The following WNK1 variants were observed in gnomAD, a reference collection of about 807,000 sequenced individuals.
WNK1 encodes the protein WNK lysine deficient protein kinase 1, also known as serine/threonine-protein kinase WNK1.
Under a neutral mutation model 222.8 loss-of-function variants are expected in WNK1, and 38 were observed. The observed-to-expected ratio is 0.17, with a 90% CI of 0.13 to 0.22. The LOEUF (loss-of-function observed/expected upper bound fraction) is 0.22. Among genes scored for constraint, WNK1 ranks in the 10% least tolerant of loss-of-function variants. The probability of loss-of-function intolerance (pLI) is 1.00; values close to 1 mark genes in which losing one functional copy is unlikely to be tolerated. For synonymous variants in WNK1, 1,090 were observed against 1,092.9 expected (o/e 1.00, Z 0.05); for missense variants, 2,348 against 2,918.4 (o/e 0.80, Z 4.50).
At chr12:789,345 A>G (rs1023855643) in intron 1 of WNK1, among the ~76,000 whole-genome samples, 1 of 152,120 alleles carries the variant, frequency 6.6e-6, no homozygotes, top group Non-Finnish European at 1.5e-5. Context: ...AATAAAGTAA[A>G]AGACAGAATT....
chr12:789,944 C>T (rs144894896), intron 1 of WNK1, among the ~76,000 whole-genome samples: 12 of 152,326 alleles, frequency 7.9e-5, no homozygotes, highest in African/African-American at 2.9e-4. Context: ...TTGTGGGTCA[C>T]ATGGCTTTGT....
chr12:896,789 C>T (rs2154094902), intron 24 of WNK1, 57 bp downstream of exon 24: 1 of 1,571,884 alleles, frequency 6.4e-7, no homozygotes. Context: ...ACCTAGATCC[C>T]AGGGCCAAGA....
intron 8 of WNK1, among the ~76,000 whole-genome samples, chr12:866,222 G>A (rs1480266621): frequency 6.6e-6 from 1 of 152,176 alleles, no homozygotes; most frequent in African/African-American, 2.4e-5. Context: ...CATTCTGACT[G>A]AAAATAGAAA....
chr12:838,175 G>T (rs1239841591), intron 4 of WNK1, among the ~76,000 whole-genome samples: 2 of 151,760 alleles, frequency 1.3e-5, no homozygotes, highest in East Asian at 3.9e-4. Context: ...CCTACCATTG[G>T]CTGTTGTGAA....
At chr12:846,242 T>A (rs1591985196) in intron 4 of WNK1, among the ~76,000 whole-genome samples, 1 of 152,188 alleles carries the variant, frequency 6.6e-6, no homozygotes, top group Admixed American at 6.5e-5. Flanking sequence ...GAAAAACTTA[T>A]TAATTGTATG....
chr12:827,031 G>A lies in WNK1; in HGVS notation c.933-11G>A, dbSNP rs1004961487. On this transcript the variant is annotated splice_polypyrimidine_tract_variant and intron_variant, in intron 2 of 27. Coordinates refer to ENST00000315939, the MANE Select transcript of WNK1 (RefSeq NM_018979.4). The surrounding 1 kb of genome is among the most constrained non-coding windows in gnomAD (Gnocchi z 4.6). ...ATTGATAACTTGTTTGGTATACTTTGCTTTTTCTAGGTATCTGAAAAGGTT... is the reference window on the plus strand; with the variant it reads ...ATTGATAACTTGTTTGGTATACTTTACTTTTTCTAGGTATCTGAAAAGGTT... The A allele has an allele frequency of 4.3e-6, 7 of 1,609,578 alleles. No individual in the cohort carries two copies. The African/African-American group carries it at 8.0e-5, about 18-fold the overall frequency.
chr12:850,645 A>G (rs1269231156), intron 4 of WNK1, among the ~76,000 whole-genome samples: 2 of 152,220 alleles, frequency 1.3e-5, no homozygotes, highest in African/African-American at 4.8e-5. Flanking sequence ...GTCCTTACCC[A>G]TGCCTATGTC....
At chr12:892,710 G>A (rs1241355793) in intron 22 of WNK1, among the ~76,000 whole-genome samples, 3 of 152,012 alleles carry the variant, frequency 2.0e-5, no homozygotes, top group Admixed American at 6.6e-5. Flanking sequence ...AACAGAAAAG[G>A]AAACTTAGAC....
chr12:887,887 T>C (rs923646451), intron 20 of WNK1, among the ~76,000 whole-genome samples: 7 of 152,046 alleles, frequency 4.6e-5, no homozygotes, highest in Non-Finnish European at 8.8e-5. Context: ...CATTATGAGA[T>C]CACTCATGGA....
chr12:753,240 G>A lies in WNK1; in HGVS notation c.-326G>A. Reference sequence around the variant, plus strand: ...CTCCCCTCATGACTGCGGCGCCTCTGCTGCCACCGCCCGCCCGGCCGCCGC... The same window carrying A: ...CTCCCCTCATGACTGCGGCGCCTCTACTGCCACCGCCCGCCCGGCCGCCGC... On this transcript the variant is annotated 5_prime_UTR_variant, in exon 1 of 28. Coordinates refer to ENST00000315939, the MANE Select transcript of WNK1 (RefSeq NM_018979.4). The surrounding 1 kb of genome is among the most constrained non-coding windows in gnomAD (Gnocchi z 5.2). The A allele has an allele frequency of 3.2e-6, 1 of 317,014 alleles. No homozygotes were observed. Among genetic ancestry groups the A allele is most frequent in the Admixed American group, 5.4e-5 (1 of 18,644 alleles). The allele number at this position is 317,014 out of a possible 1,614,324, so 19.6% of individuals were successfully genotyped here.
intron 1 of WNK1, among the ~76,000 whole-genome samples, chr12:809,935 A>G (rs1946752467): frequency 1.3e-5 from 2 of 152,010 alleles, no homozygotes; most frequent in South Asian, 2.1e-4. Flanking sequence ...CTAATACCCA[A>G]CAACAATTAG....
At chr12:833,024 T>C (rs1309379063) in intron 4 of WNK1, among the ~76,000 whole-genome samples, 8 of 152,174 alleles carry the variant, frequency 5.3e-5, no homozygotes, top group Admixed American at 5.2e-4. Context: ...CTTTTTTTTT[T>C]TCCTTTGAGC....
intron 1 of WNK1, among the ~76,000 whole-genome samples, chr12:795,882 C>T (rs1379580612): frequency 2.0e-5 from 3 of 151,984 alleles, no homozygotes; most frequent in African/African-American, 7.3e-5. Flanking sequence ...TAACAAGTAT[C>T]TTCTTTTCTC....
intron 2 of WNK1, among the ~76,000 whole-genome samples, chr12:819,349 C>A (rs1053622195): frequency 1.3e-5 from 2 of 151,982 alleles, no homozygotes; most frequent in Non-Finnish European, 2.9e-5. Context: ...ATCTCTTATC[C>A]GAAATGCTTG....
intron 26 of WNK1, among the ~76,000 whole-genome samples, chr12:903,237 C>T (rs1189882755): frequency 6.6e-6 from 1 of 152,176 alleles, no homozygotes; most frequent in Non-Finnish European, 1.5e-5. Context: ...TACTGACTTT[C>T]CCCACATGCA....
intron 1 of WNK1, among the ~76,000 whole-genome samples, chr12:802,329 A>G (rs1001016088): frequency 3.9e-5 from 6 of 152,234 alleles, no homozygotes; most frequent in African/African-American, 1.4e-4. Flanking sequence ...AACATTAATG[A>G]CAGAAACTTG....
At chr12:822,962 C>T (rs995828319) in intron 2 of WNK1, among the ~76,000 whole-genome samples, 2 of 152,134 alleles carry the variant, frequency 1.3e-5, no homozygotes, top group African/African-American at 4.8e-5. Flanking sequence ...TCAAACTCTT[C>T]CAGCTTTTAT....
intron 3 of WNK1, among the ~76,000 whole-genome samples, chr12:828,431 C>G (rs1311269223): frequency 1.3e-5 from 2 of 152,256 alleles, no homozygotes; most frequent in East Asian, 3.9e-4. Flanking sequence ...TATGATCTAT[C>G]TAAAAGAGTG....
At chr12:756,056 A>G (rs1939979579) in intron 1 of WNK1, among the ~76,000 whole-genome samples, 1 of 152,162 alleles carries the variant, frequency 6.6e-6, no homozygotes, top group African/African-American at 2.4e-5. Flanking sequence ...AGGTAGACAC[A>G]TTTCTTTCTT....
Sources: allele counts gnomAD v4.1 joint callset (sites outside exome capture counted in the v4.1 genomes callset), GRCh38; gene constraint gnomAD v4.1.1; non-coding constraint Gnocchi (gnomAD v3.1); transcripts MANE v1.5; gene names NCBI Gene and HGNC (gene_info 2026-07-23, HGNC 2026-07-21).